Variants in RNF144B observed in about 807,000 individuals in gnomAD.
RNF144B encodes the protein E3 ubiquitin-protein ligase RNF144B.
In RNF144B, 25 loss-of-function variants were observed where a neutral mutation model predicts 40.2. The observed-to-expected ratio is 0.62, with a 90% confidence interval of 0.45 to 0.87. The LOEUF (loss-of-function observed/expected upper bound fraction) is 0.87, where lower values mean the gene tolerates loss of function less well. Among genes scored for constraint, RNF144B ranks in the 40% least tolerant of loss-of-function variants. RNF144B has a pLI of 0.00. For synonymous variants in RNF144B, 145 were observed against 136.3 expected (o/e 1.06, Z -0.44); for missense variants, 365 against 373.7 (o/e 0.98, Z 0.19).
chr6:18,429,713 A>G (rs1758650210), intron 3 of RNF144B, among the ~76,000 whole-genome samples: 1 of 152,164 alleles, frequency 6.6e-6, no homozygotes, highest in Admixed American at 6.5e-5. Context: ...TTGTTTTTAA[A>G]ATGAGTCTTG....
intron 4 of RNF144B, among the ~76,000 whole-genome samples, chr6:18,440,663 GA>G (rs67885072): frequency 0.16 from 23,584 of 151,246 alleles, 1,938 homozygotes; most frequent in South Asian, 0.23. Flanking sequence ...CAGGAAAAAA[GA>G]AAAAAAACGT....
Position 18,456,124 on chromosome 6 carries a change from C to G in RNF144B, c.332-1031C>G, listed in dbSNP as rs7748595. Among the ~76,000 whole-genome samples, 19,063 of 152,090 alleles carry G rather than the reference C, an allele frequency of 0.13. 1,370 individuals carry two copies. The highest frequency in any genetic ancestry group is 0.19 in the Admixed American group (2,959 of 15,276). ...TTTTTAGTAGAGATGGTGTTTCACCCTGTTAGCCAGGATGGTCTTGATCTC... is the reference window on the plus strand; with the variant it reads ...TTTTTAGTAGAGATGGTGTTTCACCGTGTTAGCCAGGATGGTCTTGATCTC... On this transcript the variant is annotated intron_variant, in intron 4 of 7. Coordinates refer to ENST00000259939, the MANE Select transcript of RNF144B (RefSeq NM_182757.4). The surrounding 1 kb of genome is among the most constrained non-coding windows in gnomAD (Gnocchi z 4.7).
intron 3 of RNF144B, among the ~76,000 whole-genome samples, chr6:18,430,833 A>C (rs950273914): frequency 4.0e-5 from 6 of 151,624 alleles, no homozygotes; most frequent in African/African-American, 7.3e-5. Flanking sequence ...TGTTCTCCTT[A>C]TCCTTTCCCC....
rs1794783569 is a variant in RNF144B at position 18,400,458 on chromosome 6, C to A, written c.165+759C>A. Among the ~76,000 whole-genome samples, 1 of 152,104 alleles carries A rather than the reference C, an allele frequency of 6.6e-6. No individual in the cohort carries two copies. The highest frequency in any genetic ancestry group is 6.5e-5 in the Admixed American group (1 of 15,270). ...GTACTTTGTCATAGCTCCTTTTATGCTGTTTTCACAGTATGCTGAATCCTT... is the reference window on the plus strand; with the variant it reads ...GTACTTTGTCATAGCTCCTTTTATGATGTTTTCACAGTATGCTGAATCCTT... On this transcript the variant is annotated intron_variant, in intron 2 of 7. Coordinates refer to ENST00000259939, the MANE Select transcript of RNF144B (RefSeq NM_182757.4). The surrounding 1 kb of genome is among the most constrained non-coding windows in gnomAD (Gnocchi z 5.6).
At chr6:18,390,541 A>G (rs1218066859) in intron 1 of RNF144B, among the ~76,000 whole-genome samples, 2 of 152,224 alleles carry the variant, frequency 1.3e-5, no homozygotes, top group East Asian at 1.9e-4. Context: ...TTTCTTATTC[A>G]TAGCTGGAGA....
At chr6:18,436,851 G>C (rs17627844) in intron 3 of RNF144B, among the ~76,000 whole-genome samples, 19,292 of 151,754 alleles carry the variant, frequency 0.13, 1,382 homozygotes, top group Admixed American at 0.19. Context: ...TAGTGACTTA[G>C]CTCCAAATGA....
At chr6:18,439,960 T>C (rs746833771) in intron 4 of RNF144B, among the ~76,000 whole-genome samples, 2 of 152,020 alleles carry the variant, frequency 1.3e-5, no homozygotes, top group Non-Finnish European at 2.9e-5. Flanking sequence ...TTTCCTTATG[T>C]TGTTTGTTTT....
intron 2 of RNF144B, among the ~76,000 whole-genome samples, chr6:18,411,462 CATATATATAT>C (rs767477071): frequency 0.04 from 2,362 of 59,324 alleles, 252 homozygotes; most frequent in Middle Eastern, 0.081. Context: ...GTGCATGATT[CATATATATAT>C]ATATATATAT....
chr6:18,420,883 A>G (rs1353946950), intron 2 of RNF144B, among the ~76,000 whole-genome samples: 1 of 152,208 alleles, frequency 6.6e-6, no homozygotes, highest in African/African-American at 2.4e-5. Context: ...TAAGTAGTAT[A>G]TAAGCATATT....
chr6:18,396,739 T>C, intron 1 of RNF144B: 1 of 985,414 alleles, frequency 1.0e-6, no homozygotes, highest in African/African-American at 1.7e-5. Flanking sequence ...GGGAAGTTGG[T>C]GGGACTGTGT....
chr6:18,437,677 G>T (rs1758853957), intron 3 of RNF144B, among the ~76,000 whole-genome samples: 1 of 152,116 alleles, frequency 6.6e-6, no homozygotes, highest in Non-Finnish European at 1.5e-5. Context: ...AAAAAAATTA[G>T]AAATCTATGA....
Position 18,414,427 on chromosome 6 carries a change from T to G in RNF144B, c.166-13154T>G, listed in dbSNP as rs1795105926. On this transcript the variant is annotated intron_variant, in intron 2 of 7. Transcript: ENST00000259939. This position sits in a 1 kb window ranked among gnomAD's most constrained non-coding sequence, Gnocchi z 4.9. ...TTTGGGTCATTAATATGAGCTATTT[T>G]GCATGCTGGCTTTGTAGGTTATATC... 1.3e-5 allele frequency among the ~76,000 whole-genome samples: 2 copies of G among 152,224 alleles called. No homozygotes were observed. Among genetic ancestry groups the G allele is most frequent in the Non-Finnish European group, 2.9e-5 (2 of 68,030 alleles).
Position 18,460,360 on chromosome 6 carries a change from A to G in RNF144B, c.681+609A>G, listed in dbSNP as rs1037917305. Among the ~76,000 whole-genome samples the G allele has an allele frequency of 1.3e-5, 2 of 152,116 alleles. No homozygotes were observed. The highest frequency in any genetic ancestry group is 6.5e-5 in the Admixed American group (1 of 15,274). ...GTTCTCTGCCTGAAGGACCAATGTG[A>G]TGAGATTGGGCCCATCAGGATAATG... On this transcript the variant is annotated intron_variant, in intron 6 of 7. Coordinates refer to ENST00000259939, the MANE Select transcript of RNF144B (RefSeq NM_182757.4). The surrounding 1 kb of genome is among the most constrained non-coding windows in gnomAD (Gnocchi z 4.4).
In RNF144B at chr6:18,438,061, A is replaced by T. The variant is rs564446487; in HGVS notation, c.271-1623A>T. Reference sequence around the variant, plus strand: ...AATATTATTGAGGTCTCTTGGGCCCAGATGGTATCACCCCCCAAGTCATGT... The same window carrying T: ...AATATTATTGAGGTCTCTTGGGCCCTGATGGTATCACCCCCCAAGTCATGT... On this transcript the variant is annotated intron_variant, in intron 3 of 7. Transcript: ENST00000259939. Among the ~76,000 whole-genome samples the T allele has an allele frequency of 2.4e-4, 36 of 152,324 alleles. No individual in the cohort carries two copies. The East Asian group carries it at 6.4e-3, about 27-fold the overall frequency.
At chr6:18,432,315 C>T (rs2328267) in intron 3 of RNF144B, among the ~76,000 whole-genome samples, 47,127 of 152,058 alleles carry the variant, frequency 0.31, 8,498 homozygotes, top group East Asian at 0.51. Flanking sequence ...TGGTAGAAAA[C>T]GGCAGCTTCC....
chr6:18,431,379 C>A (rs1758693328), intron 3 of RNF144B, among the ~76,000 whole-genome samples: 1 of 152,120 alleles, frequency 6.6e-6, no homozygotes, highest in South Asian at 2.1e-4. Context: ...TGGGTAGCTG[C>A]ATCAGTTTAC....
intron 4 of RNF144B, among the ~76,000 whole-genome samples, chr6:18,455,347 A>G (rs569251078): frequency 6.6e-6 from 1 of 152,276 alleles, no homozygotes; most frequent in South Asian, 2.1e-4. Flanking sequence ...TTGAATGAAA[A>G]CTTATAACAA....
chr6:18,441,470 G>C lies in RNF144B; in HGVS notation c.331+1726G>C, dbSNP rs953273705. ...TCCATCAGCACTTCTCCTCTCCCATGACTGCCTGTTACTTCCCTGGCTAAC... is the reference window on the plus strand; with the variant it reads ...TCCATCAGCACTTCTCCTCTCCCATCACTGCCTGTTACTTCCCTGGCTAAC... On this transcript the variant is annotated intron_variant, in intron 4 of 7. Transcript: ENST00000259939. This position sits in a 1 kb window ranked among gnomAD's most constrained non-coding sequence, Gnocchi z 4.9. 6.6e-6 allele frequency among the ~76,000 whole-genome samples: 1 copy of C among 152,086 alleles called. No individual in the cohort carries two copies. The highest frequency in any genetic ancestry group is 2.4e-5 in the African/African-American group (1 of 41,416).
Position 18,418,948 on chromosome 6 carries a change from T to G in RNF144B, c.166-8633T>G, listed in dbSNP as rs1795199345. On this transcript the variant is annotated intron_variant, in intron 2 of 7. Coordinates refer to ENST00000259939, the MANE Select transcript of RNF144B (RefSeq NM_182757.4). The surrounding 1 kb of genome is among the most constrained non-coding windows in gnomAD (Gnocchi z 5.2). Reference sequence around the variant, plus strand: ...AGATAATTCTATTAAAAAGCTGATGTGGAGAATCTTTGACATGGGTCTTGG... The same window carrying G: ...AGATAATTCTATTAAAAAGCTGATGGGGAGAATCTTTGACATGGGTCTTGG... 3.3e-5 allele frequency among the ~76,000 whole-genome samples: 5 copies of G among 152,112 alleles called. No homozygotes were observed. In the South Asian group the frequency reaches 1.0e-3, roughly 31 times the overall value.
Sources: allele counts gnomAD v4.1 joint callset (sites outside exome capture counted in the v4.1 genomes callset), GRCh38; gene constraint gnomAD v4.1.1; non-coding constraint Gnocchi (gnomAD v3.1); transcripts MANE v1.5; gene names NCBI Gene and HGNC (gene_info 2026-07-23, HGNC 2026-07-21).